Variants in CEP295 observed in about 807,000 individuals in gnomAD.
CEP295 encodes centrosomal protein of 295 kDa.
Under a neutral mutation model 291.6 loss-of-function variants are expected in CEP295, and 190 were observed. That is an observed-to-expected ratio of 0.65 (90% CI 0.58 to 0.73). The LOEUF (loss-of-function observed/expected upper bound fraction) is 0.73, where lower values mean the gene tolerates loss of function less well. Among genes scored for constraint, CEP295 ranks in the 30% least tolerant of loss-of-function variants. CEP295 has a pLI of 0.00. For missense variants in CEP295, 2,863 were observed against 2,949.4 expected (o/e 0.97, Z 0.68); for synonymous variants, 993 against 1,038.8 (o/e 0.96, Z 0.85).
intron 17 of CEP295, among the ~76,000 whole-genome samples, chr11:93,704,529 C>A (rs969081039): frequency 6.6e-6 from 1 of 152,076 alleles, no homozygotes; most frequent in Non-Finnish European, 1.5e-5. Context: ...GCAGTGGTTT[C>A]TTTTAAGTCT....
chr11:93,702,787 G>T lies in CEP295; in HGVS notation c.5464G>T (p.Glu1822Ter). Residue 1822 changes from glutamate (E) to a stop codon, truncating the protein, a stop_gained, in exon 17 of 30, where the codon GAG becomes TAG. Coordinates refer to ENST00000325212, the MANE Select transcript of CEP295 (RefSeq NM_033395.2). LOFTEE classifies it high-confidence loss of function. ...CATTGACTTAATAGGTGAGCATCTG[G>T]AGAAAGATCTGGGGAGAAGATCCTC... is the stretch of plus-strand genomic sequence containing the variant. ...TSAKQSGEHL[E>*]KDLGRRSSKP... 2 of 1,551,780 alleles carry T rather than the reference G, an allele frequency of 1.3e-6. No individual in the cohort carries two copies. The highest frequency in any genetic ancestry group is 1.7e-6 in the Non-Finnish European group (2 of 1,147,004).
In CEP295 at chr11:93,683,700, G is replaced by C. The variant is rs1951084408; in HGVS notation, c.907G>C (p.Glu303Gln). The change falls in exon 8 of 30, where the codon GAA (glutamate) becomes CAA (glutamine). Residue 303 changes from glutamate (E) to glutamine (Q), a missense_variant. Glu to Gln is a conservative substitution (Grantham distance 29). This residue lies in a region of CEP295 where 554 missense variants were observed against 576.0 expected (regional missense o/e 0.96). Coordinates refer to ENST00000325212, the MANE Select transcript of CEP295 (RefSeq NM_033395.2). Reference protein sequence around the residue: ...RSEMKEDWQRELEFAFEDMYN... With the variant: ...RSEMKEDWQRQLEFAFEDMYN... ...TGAAATGAAAGAAGACTGGCAGAGA[G>C]AATTGGAATTTGCCTTTGAAGATAT... 6.5e-7 allele frequency: 1 copy of C among 1,546,694 alleles called. No individual in the cohort carries two copies. The highest frequency in any genetic ancestry group is 1.2e-5 in the South Asian group (1 of 82,554).
At chr11:93,719,159 A>G (rs900854616) in intron 18 of CEP295, among the ~76,000 whole-genome samples, 1 of 151,816 alleles carries the variant, frequency 6.6e-6, no homozygotes, top group Non-Finnish European at 1.5e-5. Context: ...TTCATTAATC[A>G]TAATATATAT....
At chr11:93,676,475 T>C (rs1950697570) in intron 6 of CEP295, among the ~76,000 whole-genome samples, 1 of 151,998 alleles carries the variant, frequency 6.6e-6, no homozygotes, top group African/African-American at 2.4e-5. Context: ...TTTATAGCAT[T>C]CCTGTGGCAT....
rs948243771 is a variant in CEP295, at chr11:93,728,612, T to A, written c.7162-69T>A. The A allele has an allele frequency of 2.1e-6, 3 of 1,397,068 alleles. No individual in the cohort carries two copies. In the East Asian group the frequency reaches 7.9e-5, roughly 37 times the overall value. 86.5% of individuals were successfully genotyped at this position (1,397,068 alleles called of 1,614,324 possible). A position where few individuals can be genotyped will look rare whatever the true frequency, so the allele number is the denominator to read the frequency against. On this transcript the variant is annotated intron_variant, in intron 24 of 29. Transcript: ENST00000325212. Reference sequence around the variant, plus strand: ...ACACTTGCAAAAAATGTGCATTATATACAAAACGATTAGTTTAAGTCTTTT... The same window carrying A: ...ACACTTGCAAAAAATGTGCATTATAAACAAAACGATTAGTTTAAGTCTTTT...
At chr11:93,725,597 T>C in intron 22 of CEP295, 54 bp from the exon 23 acceptor site, 1 of 1,354,646 alleles carries the variant, frequency 7.4e-7, no homozygotes. Flanking sequence ...GATTATTGTT[T>C]CAATTGTTAA....
intron 25 of CEP295, 36 bp from the exon 26 acceptor site, chr11:93,729,398 T>TA (rs561791521): frequency 1.4e-6 from 2 of 1,425,114 alleles, no homozygotes; most frequent in Non-Finnish European, 9.7e-7. Context: ...TTAAAGCGTT[T>TA]AAAAAGAGTA....
At chr11:93,726,796 C>CT (rs1465648543) in intron 23 of CEP295, 180 bp from the exon 24 acceptor site, 1 of 473,494 alleles carries the variant, frequency 2.1e-6, no homozygotes, top group Non-Finnish European at 3.7e-6. Flanking sequence ...TTGGTGTGAG[C>CT]TGTAGTTTGA....
chr11:93,728,860 G>A, intron 25 of CEP295, 39 bp downstream of exon 25: 1 of 1,499,694 alleles, frequency 6.7e-7, no homozygotes, highest in Non-Finnish European at 8.9e-7. Flanking sequence ...TCTATTACAA[G>A]CAAACCAGTT....
chr11:93,726,795 G>C, intron 23 of CEP295, 181 bp from the exon 24 acceptor site: 1 of 477,694 alleles, frequency 2.1e-6, no homozygotes. Flanking sequence ...CTTGGTGTGA[G>C]CTGTAGTTTG....
intron 18 of CEP295, among the ~76,000 whole-genome samples, chr11:93,708,775 G>A (rs1042233252): frequency 3.3e-5 from 5 of 152,174 alleles, no homozygotes; most frequent in African/African-American, 1.2e-4. Context: ...CACCAACGGT[G>A]TTCCCTTCTC....
chr11:93,670,237 A>G (rs930390413), intron 5 of CEP295, among the ~76,000 whole-genome samples: 2 of 152,128 alleles, frequency 1.3e-5, no homozygotes, highest in Non-Finnish European at 2.9e-5. Context: ...TCAATATTTT[A>G]CAGATAAGTT....
Position 93,667,695 on chromosome 11 carries a change from A to T in CEP295, c.197A>T (p.Glu66Val), listed in dbSNP as rs943772972. Residue 66 changes from glutamate to valine, a missense_variant, in exon 3 of 30, where the codon GAG becomes GTG. Physicochemically the swap from Glu to Val is moderately radical, Grantham distance 121. Coordinates refer to ENST00000325212, the MANE Select transcript of CEP295 (RefSeq NM_033395.2). ...CAACAATTTACACGTTTGGCAGAGGAGCTAAGGGCAGAATGGGAAGAATCA... is the reference window on the plus strand; with the variant it reads ...CAACAATTTACACGTTTGGCAGAGGTGCTAAGGGCAGAATGGGAAGAATCA... The part of the protein sequence containing the change: ...RNQQFTRLAE[E>V]LRAEWEESQT... 3 of 1,551,348 alleles carry T rather than the reference A, an allele frequency of 1.9e-6. No homozygotes were observed. In the African/African-American group the frequency reaches 4.1e-5, roughly 21 times the overall value.
At chr11:93,712,468 G>T (rs1442988413) in intron 18 of CEP295, among the ~76,000 whole-genome samples, 1 of 151,800 alleles carries the variant, frequency 6.6e-6, no homozygotes, top group Non-Finnish European at 1.5e-5. Context: ...TGGCCAGGCT[G>T]GTCTCGAACT....
chr11:93,690,766 A>G (rs1438676783), intron 10 of CEP295, among the ~76,000 whole-genome samples: 1 of 151,002 alleles, frequency 6.6e-6, no homozygotes, highest in Non-Finnish European at 1.5e-5. Context: ...TAAAGGGCCA[A>G]TATGAGCAGG....
Position 93,696,969 on chromosome 11 carries a change from A to G in CEP295, c.2057A>G (p.Gln686Arg). ...VARQNHFPQRQVETTETLRAS... is the reference protein window; with the variant it reads ...VARQNHFPQRRVETTETLRAS... ...AGACAAAATCACTTTCCACAAAGAC[A>G]GGTGGAAACAACAGAAACATTACGC... The change falls in exon 15 of 30, where the codon CAG becomes CGG. Residue 686 changes from glutamine to arginine, a missense_variant. By Grantham distance (43) the Gln-to-Arg change is conservative. Around this residue, in one of 3 missense-constraint regions of CEP295, gnomAD observed 2,295 missense variants for 2,335.7 expected, o/e 0.98. Coordinates refer to ENST00000325212, the MANE Select transcript of CEP295 (RefSeq NM_033395.2). The G allele has an allele frequency of 6.4e-7, 1 of 1,551,660 alleles. No homozygotes were observed. The highest frequency in any genetic ancestry group is 8.7e-7 in the Non-Finnish European group (1 of 1,146,800).
chr11:93,693,461 A>G (rs2135063833), intron 12 of CEP295, among the ~76,000 whole-genome samples: 1 of 152,268 alleles, frequency 6.6e-6, no homozygotes, highest in Admixed American at 6.5e-5. Flanking sequence ...CTTCTCAGAT[A>G]AATACTTTCT....
intron 23 of CEP295, 123 bp from the exon 24 acceptor site, chr11:93,726,853 T>C (rs1954182853): frequency 1.4e-6 from 1 of 702,028 alleles, no homozygotes; most frequent in African/African-American, 1.8e-5. Context: ...TTTATACACA[T>C]CAACTTTTAT....
intron 6 of CEP295, among the ~76,000 whole-genome samples, chr11:93,678,755 A>G (rs1228265292): frequency 6.6e-6 from 1 of 152,194 alleles, no homozygotes; most frequent in Admixed American, 6.5e-5. Context: ...TCTTTAAAAA[A>G]AAAAGTAAAT....
Sources: allele counts gnomAD v4.1 joint callset (sites outside exome capture counted in the v4.1 genomes callset), GRCh38; gene constraint gnomAD v4.1.1; regional missense constraint gnomAD v4.1.1; transcripts MANE v1.5; gene names NCBI Gene and HGNC (gene_info 2026-07-23, HGNC 2026-07-21).